Variants in TRPC4 observed in about 807,000 individuals in gnomAD.
TRPC4 encodes the protein transient receptor potential cation channel subfamily C member 4, also known as short transient receptor potential channel 4.
Under a neutral mutation model 99.4 loss-of-function variants are expected in TRPC4, and 49 were observed. The observed-to-expected ratio is 0.49, with a 90% CI of 0.39 to 0.63. The LOEUF (loss-of-function observed/expected upper bound fraction) is 0.63, where lower values mean the gene tolerates loss of function less well. Among genes scored for constraint, TRPC4 ranks in the 20% least tolerant of loss-of-function variants. TRPC4 has a pLI of 0.00. For synonymous variants in TRPC4, 454 were observed against 425.9 expected (o/e 1.07, Z -0.81); for missense variants, 898 against 1,152.9 (o/e 0.78, Z 3.20).
At chr13:37,832,397 TTAGC>T in intron 1 of TRPC4, among the ~76,000 whole-genome samples, 1 of 151,806 alleles carries the variant, frequency 6.6e-6, no homozygotes, top group African/African-American at 2.4e-5. Flanking sequence ...AAAAAGAAAA[TTAGC>T]TGGGCGGTGC....
At chr13:37,809,171 G>A (rs755242313) in intron 1 of TRPC4, among the ~76,000 whole-genome samples, 1 of 152,048 alleles carries the variant, frequency 6.6e-6, no homozygotes, top group Non-Finnish European at 1.5e-5. Flanking sequence ...GTGTAGGGTT[G>A]GAAATTAGGT....
At chr13:37,868,338 T>G (rs1208526938) in intron 1 of TRPC4, among the ~76,000 whole-genome samples, 2 of 152,060 alleles carry the variant, frequency 1.3e-5, no homozygotes, top group Admixed American at 6.6e-5. Context: ...TTCTGGACAA[T>G]AGTGTCCAGG....
At chr13:37,806,183 G>A (rs17206556) in intron 1 of TRPC4, among the ~76,000 whole-genome samples, 10,494 of 152,020 alleles carry the variant, frequency 0.069, 492 homozygotes, top group Non-Finnish European at 0.11. Flanking sequence ...TCGGGAGAAA[G>A]TACCAGAGGT....
At chr13:37,782,178 A>C (rs1956859577) in intron 2 of TRPC4, among the ~76,000 whole-genome samples, 1 of 152,148 alleles carries the variant, frequency 6.6e-6, no homozygotes, top group African/African-American at 2.4e-5. Flanking sequence ...AGGCAGTTAC[A>C]AAGGGAAGAG....
At chr13:37,693,247 A>G (rs541707889) in intron 3 of TRPC4, among the ~76,000 whole-genome samples, 1 of 152,152 alleles carries the variant, frequency 6.6e-6, no homozygotes, top group South Asian at 2.1e-4. Flanking sequence ...TTTCAGATGG[A>G]ACAGTTCAAG....
At chr13:37,854,291 G>A (rs920241963) in intron 1 of TRPC4, among the ~76,000 whole-genome samples, 7 of 151,914 alleles carry the variant, frequency 4.6e-5, no homozygotes, top group South Asian at 2.1e-4. Flanking sequence ...AGTGCCGAAC[G>A]AAAAATAAAA....
chr13:37,743,159 T>A (rs983148637), intron 3 of TRPC4, among the ~76,000 whole-genome samples: 2 of 152,090 alleles, frequency 1.3e-5, no homozygotes, highest in African/African-American at 4.8e-5. Flanking sequence ...GAGTTTGAGA[T>A]CAGCCTGGGC....
Position 37,832,539 on chromosome 13 carries a change from A to AAACAAC in TRPC4, c.-28+37050_-28+37055dup, listed in dbSNP as rs923216542. ...AGGTGACAGAGCAAGACTCCGTCAA[A>AAACAAC]AACAACAACAACAACAACAAAAACT... On this transcript the variant is annotated intron_variant, in intron 1 of 10. Transcript: ENST00000379705. Among the ~76,000 whole-genome samples the AAACAAC allele has an allele frequency of 2.6e-5, 4 of 152,192 alleles. 1 individual carries two copies. In the South Asian group the frequency reaches 8.3e-4, roughly 32 times the overall value.
intron 3 of TRPC4, among the ~76,000 whole-genome samples, chr13:37,696,654 T>A (rs1953914000): frequency 6.6e-6 from 1 of 152,286 alleles, no homozygotes; most frequent in Admixed American, 6.5e-5. Context: ...AAACTTTGGA[T>A]TGGCTGTATC....
In TRPC4 at chr13:37,636,871, A is replaced by G; in HGVS notation, c.*32T>C. On this transcript the variant is annotated 3_prime_UTR_variant, in exon 11 of 11. Transcript: ENST00000379705. ...ACCCAGAGCACTACGGAAAATACGTATGTGTATGGTAAACGCTTCCTCCTT... is the reference window on the plus strand; with the variant it reads ...ACCCAGAGCACTACGGAAAATACGTGTGTGTATGGTAAACGCTTCCTCCTT... 1.2e-5 allele frequency: 19 copies of G among 1,580,540 alleles called. No homozygotes were observed. Among genetic ancestry groups the G allele is most frequent in the Non-Finnish European group, 1.6e-5 (19 of 1,163,792 alleles).
chr13:37,774,847 G>A (rs2139308447), intron 2 of TRPC4, among the ~76,000 whole-genome samples: 1 of 151,750 alleles, frequency 6.6e-6, no homozygotes, highest in African/African-American at 2.4e-5. Context: ...CAGTTACTGA[G>A]CCTTCTAATC....
At chr13:37,789,710 T>G (rs1051345075) in intron 1 of TRPC4, among the ~76,000 whole-genome samples, 10 of 152,104 alleles carry the variant, frequency 6.6e-5, no homozygotes, top group Admixed American at 2.0e-4. Flanking sequence ...CTGTTTTTCT[T>G]TTCTGCACAT....
intron 8 of TRPC4, among the ~76,000 whole-genome samples, chr13:37,641,640 T>A (rs1250400876): frequency 6.6e-6 from 1 of 152,176 alleles, no homozygotes; most frequent in Non-Finnish European, 1.5e-5. Context: ...TGTTTAGTGA[T>A]CACCATTATG....
intron 6 of TRPC4, among the ~76,000 whole-genome samples, chr13:37,659,565 T>G (rs1029953235): frequency 3.9e-5 from 6 of 152,206 alleles, no homozygotes; most frequent in African/African-American, 1.2e-4. Flanking sequence ...AGCTAAAGAA[T>G]GTGGCAGTAT....
chr13:37,640,672 G>A (rs1209720554), intron 8 of TRPC4, among the ~76,000 whole-genome samples: 1 of 152,170 alleles, frequency 6.6e-6, no homozygotes, highest in Non-Finnish European at 1.5e-5. Context: ...GCCACCAGAT[G>A]GAGGTGTCTG....
intron 1 of TRPC4, among the ~76,000 whole-genome samples, chr13:37,837,306 G>A (rs1958593117): frequency 6.6e-6 from 1 of 152,234 alleles, no homozygotes; most frequent in South Asian, 2.1e-4. Context: ...CCTTCCTCCA[G>A]ACCCTAGAAT....
chr13:37,855,831 C>A (rs1959168975), intron 1 of TRPC4, among the ~76,000 whole-genome samples: 2 of 151,666 alleles, frequency 1.3e-5, no homozygotes, highest in South Asian at 4.2e-4. Context: ...TATCTTGAGA[C>A]AAATTACAAT....
chr13:37,746,728 T>G (rs772816908), intron 2 of TRPC4, among the ~76,000 whole-genome samples: 2 of 152,110 alleles, frequency 1.3e-5, no homozygotes, highest in African/African-American at 4.8e-5. Flanking sequence ...ACTCTTTACT[T>G]GATGAATGTC....
chr13:37,773,392 C>T (rs1298131895), intron 2 of TRPC4, among the ~76,000 whole-genome samples: 1 of 151,772 alleles, frequency 6.6e-6, no homozygotes, highest in Non-Finnish European at 1.5e-5. Flanking sequence ...AAAATACATA[C>T]CAAACAGTCA....
Sources: gnomAD v4.1 joint callset for allele counts (sites outside exome capture counted in the v4.1 genomes callset) on GRCh38, gnomAD v4.1.1 for gene constraint, MANE v1.5 for transcripts, NCBI Gene and HGNC (gene_info 2026-07-23, HGNC 2026-07-21) for gene names.